CTNNA2: variants seen among roughly 807,000 people sequenced by gnomAD.
The protein encoded by CTNNA2 is catenin alpha-2.
Under a neutral mutation model 101.0 loss-of-function variants are expected in CTNNA2, and 42 were observed. The observed-to-expected ratio is 0.42, with a 90% confidence interval of 0.32 to 0.54. CTNNA2 has a LOEUF of 0.54. CTNNA2 is among the 20% of genes least tolerant of loss of function. The pLI is 0.14. For synonymous variants in CTNNA2, 450 were observed against 456.4 expected (o/e 0.99, Z 0.18); for missense variants, 871 against 1,223.1 (o/e 0.71, Z 4.29).
At chr2:79,932,276 A>G (rs1687501554) in intron 7 of CTNNA2, among the ~76,000 whole-genome samples, 1 of 152,174 alleles carries the variant, frequency 6.6e-6, no homozygotes, top group African/African-American at 2.4e-5. Context: ...ACAGGATGGA[A>G]AAGAAGAATG....
intron 2 of CTNNA2, among the ~76,000 whole-genome samples, chr2:79,699,832 C>CACACGT (rs1553453392): frequency 7.8e-4 from 107 of 137,452 alleles, no homozygotes; most frequent in South Asian, 2.6e-3. Context: ...CACACACACA[C>CACACGT]GTGTGTGTAT....
At chr2:80,028,457 A>G (rs898433930) in intron 7 of CTNNA2, 1 of 152,180 alleles carries the variant, frequency 6.6e-6, no homozygotes, top group African/African-American at 2.4e-5. Flanking sequence ...AATTTTTTCT[A>G]AGTTTTCATA....
intron 9 of CTNNA2, among the ~76,000 whole-genome samples, chr2:80,460,940 C>T (rs935121684): frequency 1.3e-5 from 2 of 152,190 alleles, no homozygotes; most frequent in Non-Finnish European, 2.9e-5. Context: ...ACATTTATAA[C>T]ACATTCCCAG....
Position 79,651,643 on chromosome 2 carries a change from G to A in CTNNA2, c.87G>A (p.Glu29=). ...IRTLTVERLL[E]PLVTQVTTLV... ...CGCTAACAGTGGAAAGGCTGTTGGA[G>A]CCACTTGTTACACAGGTAAGGGATG... The change falls in exon 2 of 19, where the codon GAG becomes GAA. Residue 29 remains glutamate (E), a synonymous_variant. Transcript: ENST00000402739. The A allele has an allele frequency of 1.2e-6, 2 of 1,613,690 alleles. No homozygotes were observed. The highest frequency in any genetic ancestry group is 2.2e-5 in the South Asian group (2 of 91,072).
At chr2:79,562,685 G>A (rs568846657) in intron 1 of CTNNA2, among the ~76,000 whole-genome samples, 4 of 152,194 alleles carry the variant, frequency 2.6e-5, no homozygotes, top group African/African-American at 9.6e-5. Flanking sequence ...AGAAACACGT[G>A]TGTAGCATGA....
At chr2:80,190,153 T>G (rs1706399516) in intron 7 of CTNNA2, among the ~76,000 whole-genome samples, 1 of 151,944 alleles carries the variant, frequency 6.6e-6, no homozygotes, top group Admixed American at 6.6e-5. Flanking sequence ...TTAACCCCTA[T>G]TAACCTTAAC....
At chr2:79,270,563 C>A (rs549476025) in intron 2 of CTNNA2, among the ~76,000 whole-genome samples, 2 of 152,182 alleles carry the variant, frequency 1.3e-5, no homozygotes, top group African/African-American at 4.8e-5. Flanking sequence ...GGCTGGGTGC[C>A]TATTCCCACA....
intron 7 of CTNNA2, among the ~76,000 whole-genome samples, chr2:80,068,398 G>A (rs969078487): frequency 2.6e-5 from 4 of 152,336 alleles, no homozygotes; most frequent in Admixed American, 2.6e-4. Context: ...AAAGCTCTTT[G>A]TGGGAAACAT....
chr2:79,640,935 C>T (rs920766068), intron 1 of CTNNA2, among the ~76,000 whole-genome samples: 35 of 152,110 alleles, frequency 2.3e-4, no homozygotes, highest in Admixed American at 7.9e-4. Context: ...ACTGTAAATA[C>T]AGTCTTGATT....
At chr2:79,870,631 A>G (rs1337076655) in intron 5 of CTNNA2, among the ~76,000 whole-genome samples, 9 of 152,122 alleles carry the variant, frequency 5.9e-5, no homozygotes, top group Admixed American at 5.9e-4. Context: ...TTTCTAAAGA[A>G]AGGAGATTTA....
chr2:79,481,214 A>G (rs1235315980), intron 4 of CTNNA2, among the ~76,000 whole-genome samples: 2 of 152,196 alleles, frequency 1.3e-5, no homozygotes, highest in African/African-American at 4.8e-5. Context: ...GATTGGCCAT[A>G]CAAAATCATT....
chr2:79,315,728 G>A (rs1676482292), intron 3 of CTNNA2, among the ~76,000 whole-genome samples: 1 of 152,072 alleles, frequency 6.6e-6, no homozygotes, highest in Non-Finnish European at 1.5e-5. Flanking sequence ...CCACGCACAA[G>A]TTTTTGTATG....
At chr2:80,185,283 A>T (rs1020993229) in intron 7 of CTNNA2, among the ~76,000 whole-genome samples, 2 of 152,314 alleles carry the variant, frequency 1.3e-5, no homozygotes, top group South Asian at 4.1e-4. Flanking sequence ...GCAACATGGT[A>T]TATAGCTTCA....
In CTNNA2 at chr2:80,210,614, T is replaced by C. The variant is rs147170512; in HGVS notation, c.1057-182597T>C. Among the ~76,000 whole-genome samples the C allele has an allele frequency of 6.9e-4, 105 of 152,340 alleles. 1 individual carries two copies. The East Asian group carries it at 0.018, about 27-fold the overall frequency. ...ACATTTTCTTAATCCAGTCTATCATTGATGGACATTTGGGTTGGTTCCAAG... is the reference window on the plus strand; with the variant it reads ...ACATTTTCTTAATCCAGTCTATCATCGATGGACATTTGGGTTGGTTCCAAG... On this transcript the variant is annotated intron_variant, in intron 7 of 18. Transcript: ENST00000402739.
chr2:79,328,516 G>T (rs1676798568), intron 3 of CTNNA2, among the ~76,000 whole-genome samples: 1 of 152,138 alleles, frequency 6.6e-6, no homozygotes, highest in South Asian at 2.1e-4. Flanking sequence ...ATTCACATTT[G>T]CTATTGCAGA....
At chr2:79,429,721 A>G (rs1678630755) in intron 4 of CTNNA2, among the ~76,000 whole-genome samples, 1 of 152,208 alleles carries the variant, frequency 6.6e-6, no homozygotes, top group Admixed American at 6.5e-5. Context: ...AAGAGTTTTC[A>G]AATGAAACTC....
Position 80,551,042 on chromosome 2 carries a change from C to T in CTNNA2, c.1541-4651C>T, listed in dbSNP as rs531921463. Among the ~76,000 whole-genome samples, 12 of 152,300 alleles carry T rather than the reference C, an allele frequency of 7.9e-5. No individual in the cohort carries two copies. The South Asian group carries it at 8.3e-4, about 11-fold the overall frequency. ...TGAAAGTCAAAATGACTCCTTGATA[C>T]ATCTGCTGCAGAATAGATGTGTTAG... On this transcript the variant is annotated intron_variant, in intron 11 of 18. Transcript: ENST00000402739.
At chr2:79,421,245 A>G (rs1291987393) in intron 4 of CTNNA2, among the ~76,000 whole-genome samples, 7 of 152,226 alleles carry the variant, frequency 4.6e-5, no homozygotes, top group African/African-American at 1.4e-4. Flanking sequence ...AGAATGAGAT[A>G]TGACTAAATA....
At chr2:80,065,494 C>G (rs568221927) in intron 7 of CTNNA2, among the ~76,000 whole-genome samples, 1 of 151,902 alleles carries the variant, frequency 6.6e-6, no homozygotes, top group Non-Finnish European at 1.5e-5. Flanking sequence ...GCTGGGATTA[C>G]AGGTGCGTGC....
Sources: gnomAD v4.1 joint callset for allele counts (sites outside exome capture counted in the v4.1 genomes callset) on GRCh38, gnomAD v4.1.1 for gene constraint, MANE v1.5 for transcripts, NCBI Gene and HGNC (gene_info 2026-07-23, HGNC 2026-07-21) for gene names.